Variants in ZW10 observed in about 807,000 individuals in gnomAD.
The protein encoded by ZW10 is zw10 kinetochore protein.
In ZW10, 53 loss-of-function variants were observed where a neutral mutation model predicts 87.8. The observed-to-expected ratio is 0.60, with a 90% CI of 0.48 to 0.76. ZW10 has a LOEUF of 0.76. ZW10 is among the 30% of genes least tolerant of loss of function. ZW10 has a pLI of 0.00. For missense variants in ZW10, 837 were observed against 923.0 expected (o/e 0.91, Z 1.21); for synonymous variants, 312 against 329.2 (o/e 0.95, Z 0.57).
chr11:113,768,901 C>A lies in ZW10; in HGVS notation c.172G>T (p.Gly58Cys). Residue 58 changes from glycine to cysteine, a missense_variant, in exon 2 of 16, where the codon GGC (glycine) becomes TGC (cysteine). By Grantham distance (159) the Gly-to-Cys change is radical (BLOSUM62 -3). Transcript: ENST00000200135. ...EFLPSMQSAQ[G>C]LITQVDKLSE... is the part of the protein sequence containing the mutation. ...AGCTTATCCACCTGGGTAATCAGGC[C>A]CTGCGCGCTCTGCATGCTAGGCAGG... is the stretch of plus-strand genomic sequence containing the variant. The A allele has an allele frequency of 6.2e-7, 1 of 1,614,096 alleles. No homozygotes were observed. Among genetic ancestry groups the A allele is most frequent in the Non-Finnish European group, 8.5e-7 (1 of 1,180,002 alleles).
At chr11:113,773,461 C>A in intron 1 of ZW10, 101 bp downstream of exon 1, 1 of 967,904 alleles carries the variant, frequency 1.0e-6, no homozygotes, top group Admixed American at 2.1e-5. Flanking sequence ...CTCTGCTGGT[C>A]CCCACTCTGT....
chr11:113,737,477 C>T, intron 14 of ZW10, 95 bp downstream of exon 14: 1 of 1,217,414 alleles, frequency 8.2e-7, no homozygotes. Flanking sequence ...AGACATGAAA[C>T]ATGAACAATT....
intron 7 of ZW10, among the ~76,000 whole-genome samples, chr11:113,756,118 A>G (rs183310613): frequency 1.3e-5 from 2 of 152,322 alleles, no homozygotes; most frequent in East Asian, 3.9e-4. Flanking sequence ...TTAAGGTTAC[A>G]TGAGGTCATA....
In ZW10 at chr11:113,738,363, T is replaced by C. The variant is rs377362404; in HGVS notation, c.1785A>G (p.Ala595=). 5.0e-5 allele frequency: 80 copies of C among 1,613,270 alleles called. No homozygotes were observed. The highest frequency in any genetic ancestry group is 6.3e-5 in the Non-Finnish European group (74 of 1,179,764). ...GTECFLAQMR[A]QKGELLERLS... Reference sequence around the variant, plus strand: ...ATCTTTCCAGAAGTTCACCTTTCTGTGCCCGCATTTGGGCCAAAAAGCATT... The same window carrying C: ...ATCTTTCCAGAAGTTCACCTTTCTGCGCCCGCATTTGGGCCAAAAAGCATT... Residue 595 remains alanine, a synonymous_variant, in exon 13 of 16, where the codon GCA becomes GCG. Coordinates refer to ENST00000200135, the MANE Select transcript of ZW10 (RefSeq NM_004724.4).
intron 7 of ZW10, among the ~76,000 whole-genome samples, chr11:113,754,105 C>T (rs1337891678): frequency 6.6e-6 from 1 of 152,214 alleles, no homozygotes; most frequent in Non-Finnish European, 1.5e-5. Context: ...GGCTTCAAAG[C>T]TTCAAACGAT....
rs757272950 is a variant in ZW10, at chr11:113,773,592, G to A, written c.75C>T (p.Ser25=). 1.2e-6 allele frequency: 2 copies of A among 1,613,818 alleles called. No individual in the cohort carries two copies. Residue 25 remains serine (S), a synonymous_variant, in exon 1 of 16, where the codon AGC becomes AGT. Transcript: ENST00000200135. ...TCTCCTCCACCCGCCGGGTCAGGCG[G>A]CTGATCCGGGTCCCCAGATCCTCCT... ...LEKEDLGTRI[S]RLTRRVEEIK...
chr11:113,768,915 A>G lies in ZW10; in HGVS notation c.158T>C (p.Met53Thr). 6.2e-7 allele frequency: 1 copy of G among 1,614,172 alleles called. No individual in the cohort carries two copies. Among genetic ancestry groups the G allele is most frequent in the African/African-American group, 1.3e-5 (1 of 75,064 alleles). The part of the protein sequence containing the change: ...SKKYSEFLPS[M>T]QSAQGLITQV... ...GGTAATCAGGCCCTGCGCGCTCTGC[A>G]TGCTAGGCAGGAATTCACTGTACTT... Residue 53 changes from methionine to threonine, a missense_variant, in exon 2 of 16, where the codon ATG becomes ACG. Met to Thr is a moderately conservative substitution (Grantham distance 81). Coordinates refer to ENST00000200135, the MANE Select transcript of ZW10 (RefSeq NM_004724.4).
Position 113,748,358 on chromosome 11 carries a change from G to A in ZW10, c.988C>T (p.Leu330Phe), listed in dbSNP as rs757081113. The stretch of plus-strand genomic sequence containing the variant: ...AAGTCCTCCCAGATCATGTCTCCAA[G>A]CATCTCAGCCAATGGGACAGTAGAT... ...KTSTVPLAEM[L>F]GDMIWEDLSE... The change falls in exon 8 of 16, where the codon CTT (leucine) becomes TTT (phenylalanine). Residue 330 changes from leucine to phenylalanine, a missense_variant. Leu to Phe is a conservative substitution (Grantham distance 22). Coordinates refer to ENST00000200135, the MANE Select transcript of ZW10 (RefSeq NM_004724.4). The A allele has an allele frequency of 6.2e-7, 1 of 1,613,724 alleles. No individual in the cohort carries two copies. The highest frequency in any genetic ancestry group is 1.3e-5 in the African/African-American group (1 of 75,036).
At chr11:113,773,113 T>G (rs908750569) in intron 1 of ZW10, among the ~76,000 whole-genome samples, 8 of 151,260 alleles carry the variant, frequency 5.3e-5, no homozygotes, top group Non-Finnish European at 1.0e-4. Flanking sequence ...GTGGAGGAAA[T>G]AAACACTCAT....
rs1343176194 is a variant in ZW10 at position 113,760,326 on chromosome 11, C to A, written c.463G>T (p.Asp155Tyr). The change falls in exon 5 of 16, where the codon GAT becomes TAT. Residue 155 changes from aspartate (D) to tyrosine (Y), a missense_variant. By Grantham distance (160) the Asp-to-Tyr change is radical (BLOSUM62 -3). Transcript: ENST00000200135. Reference protein sequence around the residue: ...LKLLKSRKCFDLKILKSLSME... With the variant: ...LKLLKSRKCFYLKILKSLSME... Reference sequence around the variant, plus strand: ...CTGAGAGATTTCAATATTTTTAAATCAAAGCATTTTCTGGATTTTAATAAC... The same window carrying A: ...CTGAGAGATTTCAATATTTTTAAATAAAAGCATTTTCTGGATTTTAATAAC... 7 of 1,613,806 alleles carry A rather than the reference C, an allele frequency of 4.3e-6. No individual in the cohort carries two copies. The East Asian group carries it at 1.3e-4, about 31-fold the overall frequency.
In ZW10 at chr11:113,752,262, A is replaced by ATGTG. The variant is rs145208653; in HGVS notation, c.926-3846_926-3843dup. 3.3e-3 allele frequency among the ~76,000 whole-genome samples: 491 copies of ATGTG among 149,144 alleles called. 2 individuals carry two copies. Among genetic ancestry groups the ATGTG allele is most frequent in the African/African-American group, 0.011 (440 of 40,750 alleles). On this transcript the variant is annotated intron_variant, in intron 7 of 15. Coordinates refer to ENST00000200135, the MANE Select transcript of ZW10 (RefSeq NM_004724.4). ...TTACGTCACACTGCACATGAACAAG[A>ATGTG]TGTGTGTGTGTGTGTGTGTGTGTGT... is the stretch of plus-strand genomic sequence containing the variant.
At chr11:113,758,464 G>A (rs749697464) in intron 6 of ZW10, 90 bp downstream of exon 6, 3 of 1,312,150 alleles carry the variant, frequency 2.3e-6, no homozygotes, top group Non-Finnish European at 3.2e-6. Context: ...CTAATACTCT[G>A]CAGAGAATAT....
intron 7 of ZW10, among the ~76,000 whole-genome samples, chr11:113,749,116 G>A (rs189723682): frequency 2.0e-5 from 3 of 152,130 alleles, no homozygotes; most frequent in Non-Finnish European, 2.9e-5. Flanking sequence ...TGAGGTGGGA[G>A]GATCACTTGA....
Position 113,773,590 on chromosome 11 carries a change from C to G in ZW10, c.77G>C (p.Arg26Pro). The change falls in exon 1 of 16, where the codon CGC becomes CCC. Residue 26 changes from arginine to proline, a missense_variant. Coordinates refer to ENST00000200135, the MANE Select transcript of ZW10 (RefSeq NM_004724.4). ...GATCTCCTCCACCCGCCGGGTCAGG[C>G]GGCTGATCCGGGTCCCCAGATCCTC... is the stretch of plus-strand genomic sequence containing the variant. ...EKEDLGTRIS[R>P]LTRRVEEIKG... 1 of 1,613,854 alleles carries G rather than the reference C, an allele frequency of 6.2e-7. No individual in the cohort carries two copies. Among genetic ancestry groups the G allele is most frequent in the Non-Finnish European group, 8.5e-7 (1 of 1,179,966 alleles).
At chr11:113,758,957 T>C (rs1163597815) in intron 5 of ZW10, among the ~76,000 whole-genome samples, 1 of 152,160 alleles carries the variant, frequency 6.6e-6, no homozygotes, top group Non-Finnish European at 1.5e-5. Flanking sequence ...GAGGATCACT[T>C]GAGCCCAGGA....
chr11:113,753,498 T>C (rs933679637), intron 7 of ZW10, among the ~76,000 whole-genome samples: 1 of 152,134 alleles, frequency 6.6e-6, no homozygotes, highest in African/African-American at 2.4e-5. Flanking sequence ...CTCCACCTCC[T>C]GGGTCCAAGC....
At position 113,736,632 on chromosome 11, in the gene ZW10, T is replaced by C. The variant is rs1296468488; in HGVS notation, c.2207A>G (p.Glu736Gly). Residue 736 changes from glutamate to glycine, a missense_variant, in exon 15 of 16, where the codon GAA becomes GGA. Physicochemically the swap from Glu to Gly is moderately conservative, Grantham distance 98. Transcript: ENST00000200135. ...LMMMLQASLQ[E>G]IGDRWADGKG... is the part of the protein sequence containing the mutation. Reference sequence around the variant, plus strand: ...GGGTTATACATACCGATCCCCAATTTCTTGCAAGCTGGCTTGTAGCATCAT... The same window carrying C: ...GGGTTATACATACCGATCCCCAATTCCTTGCAAGCTGGCTTGTAGCATCAT... The C allele has an allele frequency of 1.2e-6, 2 of 1,614,088 alleles. No individual in the cohort carries two copies. Among genetic ancestry groups the C allele is most frequent in the Non-Finnish European group, 1.7e-6 (2 of 1,180,038 alleles).
At chr11:113,739,886 G>C (rs182398457) in intron 11 of ZW10, among the ~76,000 whole-genome samples, 247 of 152,266 alleles carry the variant, frequency 1.6e-3, no homozygotes, top group Admixed American at 4.5e-3. Flanking sequence ...TAAATCACAA[G>C]CTCTAAGAGT....
intron 15 of ZW10, among the ~76,000 whole-genome samples, chr11:113,734,986 C>T (rs1953533414): frequency 6.6e-6 from 1 of 151,946 alleles, no homozygotes; most frequent in Non-Finnish European, 1.5e-5. Flanking sequence ...ACATAAAAGT[C>T]AAGATAATGG....
Sources: gnomAD v4.1 joint callset for allele counts (sites outside exome capture counted in the v4.1 genomes callset) on GRCh38, gnomAD v4.1.1 for gene constraint, MANE v1.5 for transcripts, NCBI Gene and HGNC (gene_info 2026-07-23, HGNC 2026-07-21) for gene names.